The following MRPL1 variants were observed in gnomAD, a reference collection of about 807,000 sequenced individuals.
MRPL1 encodes the protein mitochondrial ribosomal protein L1.
MRPL1 carries 28 observed loss-of-function variants against 38.0 expected under a neutral mutation model. That is an observed-to-expected ratio of 0.74 (90% CI 0.55 to 1.01). The LOEUF is 1.01. MRPL1 is among the 50% of genes least tolerant of loss of function. The probability of loss-of-function intolerance (pLI) is 0.00; values close to 1 mark genes in which losing one functional copy is unlikely to be tolerated. For missense variants in MRPL1, 358 were observed against 389.8 expected (o/e 0.92, Z 0.69); for synonymous variants, 123 against 126.7 (o/e 0.97, Z 0.20).
chr4:77,930,271 C>G (rs1333835182), intron 7 of MRPL1, among the ~76,000 whole-genome samples: 1 of 152,136 alleles, frequency 6.6e-6, no homozygotes, highest in Non-Finnish European at 1.5e-5. Context: ...GGGCTATGGA[C>G]TGATAATGGT....
chr4:77,931,263 C>T (rs1332669185), intron 7 of MRPL1, among the ~76,000 whole-genome samples: 1 of 152,234 alleles, frequency 6.6e-6, no homozygotes, highest in East Asian at 1.9e-4. Context: ...TGTGTCTGCA[C>T]TGAGAGCATC....
At chr4:77,885,557 G>A (rs1259853046) in intron 4 of MRPL1, among the ~76,000 whole-genome samples, 2 of 152,092 alleles carry the variant, frequency 1.3e-5, no homozygotes, top group Admixed American at 1.3e-4. Context: ...AGTAGAGACA[G>A]GTTTTCACCA....
intron 7 of MRPL1, among the ~76,000 whole-genome samples, chr4:77,945,300 T>G (rs1737234452): frequency 1.3e-5 from 2 of 151,932 alleles, no homozygotes; most frequent in Non-Finnish European, 2.9e-5. Context: ...AGGCCACACT[T>G]TATATAGTCT....
chr4:77,876,063 C>T (rs951776628), intron 2 of MRPL1, among the ~76,000 whole-genome samples: 6 of 152,136 alleles, frequency 3.9e-5, no homozygotes, highest in Non-Finnish European at 8.8e-5. Context: ...GCCTCCACCT[C>T]CCAGGTTCAG....
intron 6 of MRPL1, among the ~76,000 whole-genome samples, chr4:77,904,431 G>A (rs1736108387): frequency 6.6e-6 from 1 of 152,064 alleles, no homozygotes; most frequent in South Asian, 2.1e-4. Flanking sequence ...ACACATGCTT[G>A]TAATCCCAGC....
intron 7 of MRPL1, among the ~76,000 whole-genome samples, chr4:77,913,117 AT>A (rs1246606390): frequency 6.6e-6 from 1 of 152,114 alleles, no homozygotes; most frequent in Non-Finnish European, 1.5e-5. Context: ...GGGTTAGGGG[AT>A]GTTTCTTAGA....
At chr4:77,869,656 C>T (rs1028733703) in intron 1 of MRPL1, among the ~76,000 whole-genome samples, 1 of 151,982 alleles carries the variant, frequency 6.6e-6, no homozygotes. Context: ...AGTGCAGTGG[C>T]GCGGCTCACT....
chr4:77,902,535 C>A (rs1036963889), intron 6 of MRPL1, among the ~76,000 whole-genome samples: 1 of 151,640 alleles, frequency 6.6e-6, no homozygotes, highest in Non-Finnish European at 1.5e-5. Flanking sequence ...TAGTGGAAGT[C>A]ACTGATATAG....
At position 77,883,367 on chromosome 4, in the gene MRPL1, G is replaced by T; in HGVS notation, c.269G>T (p.Arg90Leu). The change falls in exon 3 of 9, where the codon CGC (arginine) becomes CTC (leucine). Residue 90 changes from arginine to leucine, a missense_variant. Physicochemically the swap from Arg to Leu is moderately radical, Grantham distance 102 (BLOSUM62 -2). Transcript: ENST00000315567. Reference protein sequence around the residue: ...GEPEDDVYLKRLYPRQIYEVE... With the variant: ...GEPEDDVYLKLLYPRQIYEVE... ...CCTGAGGATGATGTCTATTTAAAAC[G>T]CTTATACCCGAGACAGATATATGAG... 6.2e-7 allele frequency: 1 copy of T among 1,613,812 alleles called. No homozygotes were observed. The highest frequency in any genetic ancestry group is 8.5e-7 in the Non-Finnish European group (1 of 1,179,924).
At chr4:77,935,250 A>T (rs1736938450) in intron 7 of MRPL1, among the ~76,000 whole-genome samples, 1 of 152,168 alleles carries the variant, frequency 6.6e-6, no homozygotes, top group Non-Finnish European at 1.5e-5. Context: ...CACCCCCCAA[A>T]ATGTTAATTT....
intron 7 of MRPL1, among the ~76,000 whole-genome samples, chr4:77,934,357 AAGAT>A (rs1201974822): frequency 6.6e-6 from 1 of 152,180 alleles, no homozygotes; most frequent in Admixed American, 6.5e-5. Context: ...CAATAATAGA[AAGAT>A]AAATAACTCA....
At chr4:77,875,027 A>G (rs57448331) in intron 2 of MRPL1, among the ~76,000 whole-genome samples, 34 of 151,746 alleles carry the variant, frequency 2.2e-4, no homozygotes, top group African/African-American at 7.7e-4. Context: ...ACCTCAGGTG[A>G]TCCACCTGCC....
chr4:77,917,864 C>T (rs112007582), intron 7 of MRPL1, among the ~76,000 whole-genome samples: 33,552 of 151,462 alleles, frequency 0.22, 4,446 homozygotes, highest in African/African-American at 0.37. Context: ...GAAACCAGCC[C>T]GGCCAACAAG....
At chr4:77,862,909 A>G (rs979374229) in intron 1 of MRPL1, 30 bp downstream of exon 1, 2 of 1,613,978 alleles carry the variant, frequency 1.2e-6, no homozygotes, top group South Asian at 1.1e-5. Context: ...TGCAGGGGAA[A>G]TGGCTCTGGC....
chr4:77,871,278 G>C (rs758479378), intron 1 of MRPL1, among the ~76,000 whole-genome samples: 20 of 150,234 alleles, frequency 1.3e-4, no homozygotes, highest in Non-Finnish European at 2.8e-4. Flanking sequence ...CCTGCTTTTA[G>C]TTTCAAGAAC....
chr4:77,874,193 G>A (rs1247301426), intron 2 of MRPL1, among the ~76,000 whole-genome samples: 2 of 151,954 alleles, frequency 1.3e-5, no homozygotes, highest in Admixed American at 6.6e-5. Context: ...TCACTATGTT[G>A]GCCAGGCTGG....
At chr4:77,913,730 A>C (rs568652438) in intron 7 of MRPL1, among the ~76,000 whole-genome samples, 99 of 152,356 alleles carry the variant, frequency 6.5e-4, no homozygotes, top group African/African-American at 2.3e-3. Flanking sequence ...CCAAACTGGA[A>C]AATTTCCAAA....
intron 6 of MRPL1, among the ~76,000 whole-genome samples, chr4:77,905,693 AC>A (rs1736142600): frequency 6.6e-6 from 1 of 151,928 alleles, no homozygotes; most frequent in South Asian, 2.1e-4. Context: ...TCAATCTATC[AC>A]CTTTTTTCTA....
intron 7 of MRPL1, among the ~76,000 whole-genome samples, chr4:77,914,342 A>C (rs1481430105): frequency 1.3e-5 from 2 of 152,166 alleles, no homozygotes; most frequent in Non-Finnish European, 2.9e-5. Context: ...CTAAGTGTGC[A>C]TGGTCATATT....
Sources: gnomAD v4.1 joint callset for allele counts (sites outside exome capture counted in the v4.1 genomes callset) on GRCh38, gnomAD v4.1.1 for gene constraint, MANE v1.5 for transcripts, NCBI Gene and HGNC (gene_info 2026-07-23, HGNC 2026-07-21) for gene names.